Variants in NGEF observed in about 807,000 individuals in gnomAD.
The protein encoded by NGEF is ephexin-1.
Under a neutral mutation model 80.9 loss-of-function variants are expected in NGEF, and 31 were observed. The observed-to-expected ratio is 0.38, with a 90% CI of 0.29 to 0.52. The LOEUF is 0.52. Ranked by LOEUF, NGEF falls within the 20% of genes least tolerant of loss-of-function variation. NGEF has a pLI of 0.84. For missense variants in NGEF, 709 were observed against 926.2 expected, an observed-to-expected ratio of 0.77 and a Z score of 3.04; for synonymous variants, 371 against 370.2, an observed-to-expected ratio of 1.00 and a Z score of -0.03.
At chr2:232,942,372 CT>C (rs1242261969) in intron 3 of NGEF, among the ~76,000 whole-genome samples, 1 of 152,216 alleles carries the variant, frequency 6.6e-6, no homozygotes, top group Non-Finnish European at 1.5e-5. Context: ...TTGAGGCTTT[CT>C]ACGTACTTGC....
chr2:232,968,828 C>CTTAA (rs1694121232), intron 3 of NGEF, among the ~76,000 whole-genome samples: 1 of 152,194 alleles, frequency 6.6e-6, no homozygotes, highest in African/African-American at 2.4e-5. Flanking sequence ...AGGGAATCTC[C>CTTAA]TTAAGATCAG....
intron 1 of NGEF, among the ~76,000 whole-genome samples, chr2:233,004,441 AGGCTGATCTG>A (rs1268826590): frequency 6.6e-6 from 1 of 152,158 alleles, no homozygotes; most frequent in Non-Finnish European, 1.5e-5. Context: ...CCTTGACTCC[AGGCTGATCTG>A]GGCTAGGAGC....
intron 3 of NGEF, chr2:232,928,251 G>GC: frequency 1.2e-6 from 1 of 800,922 alleles, no homozygotes; most frequent in Non-Finnish European, 1.5e-6. Flanking sequence ...GGCGGCGGCG[G>GC]GGCGGGGGCG....
intron 3 of NGEF, among the ~76,000 whole-genome samples, 189 bp from the exon 4 acceptor site, chr2:232,927,375 C>A (rs1320130217): frequency 6.6e-6 from 1 of 152,156 alleles, no homozygotes; most frequent in East Asian, 1.9e-4. Flanking sequence ...TTTCTGTCAC[C>A]GCACCAGGGC....
chr2:232,943,572 T>A (rs1385587356), intron 3 of NGEF, among the ~76,000 whole-genome samples: 2 of 150,608 alleles, frequency 1.3e-5, no homozygotes, highest in Admixed American at 6.6e-5. Context: ...CTCGGCTCAC[T>A]GCAAGCTCCG....
At chr2:232,914,189 G>A (rs1692745765) in intron 5 of NGEF, among the ~76,000 whole-genome samples, 1 of 152,210 alleles carries the variant, frequency 6.6e-6, no homozygotes, top group Non-Finnish European at 1.5e-5. Context: ...CTGACAGACA[G>A]TATGGTCTAC....
At chr2:232,971,534 A>G (rs913744224) in intron 2 of NGEF, among the ~76,000 whole-genome samples, 5 of 152,032 alleles carry the variant, frequency 3.3e-5, no homozygotes, top group Non-Finnish European at 7.4e-5. Flanking sequence ...AAAATACAAA[A>G]ATTAGCCGGG....
At chr2:232,910,275 T>C (rs1001317325) in intron 5 of NGEF, among the ~76,000 whole-genome samples, 1 of 152,074 alleles carries the variant, frequency 6.6e-6, no homozygotes, top group Non-Finnish European at 1.5e-5. Context: ...CCTCAGATCA[T>C]CAGGTATTAG....
chr2:232,948,031 C>G (rs1160332473), intron 3 of NGEF, among the ~76,000 whole-genome samples: 1 of 152,036 alleles, frequency 6.6e-6, no homozygotes, highest in Non-Finnish European at 1.5e-5. Flanking sequence ...GAGTTTCATT[C>G]AATCTTTTTA....
At chr2:232,900,554 T>G (rs1449005852) in intron 5 of NGEF, among the ~76,000 whole-genome samples, 1 of 108,964 alleles carries the variant, frequency 9.2e-6, no homozygotes, top group Non-Finnish European at 1.8e-5. Context: ...ATATACACGT[T>G]CACTCACATT....
At chr2:232,965,106 C>G (rs1694029910) in intron 3 of NGEF, among the ~76,000 whole-genome samples, 1 of 152,182 alleles carries the variant, frequency 6.6e-6, no homozygotes, top group Non-Finnish European at 1.5e-5. Flanking sequence ...CAAAAACAAA[C>G]CAGGGAGATG....
At chr2:232,982,711 A>G (rs1189660724) in intron 1 of NGEF, among the ~76,000 whole-genome samples, 1 of 152,160 alleles carries the variant, frequency 6.6e-6, no homozygotes, top group Non-Finnish European at 1.5e-5. Flanking sequence ...ACAGTGTTTC[A>G]CCATGTTAGT....
At chr2:232,928,287 C>G (rs1197575183) in intron 3 of NGEF, 1 of 558,552 alleles carries the variant, frequency 1.8e-6, no homozygotes, top group Non-Finnish European at 2.3e-6. Context: ...ACCCGGGCCC[C>G]GCGAGCGCCG....
intron 1 of NGEF, among the ~76,000 whole-genome samples, chr2:233,005,546 A>G (rs1254175425): frequency 6.6e-6 from 1 of 151,400 alleles, no homozygotes. Context: ...ACTCAGGTGG[A>G]TGCAGTATAT....
At chr2:232,893,507 C>G (rs1213802298) in intron 6 of NGEF, among the ~76,000 whole-genome samples, 3 of 152,224 alleles carry the variant, frequency 2.0e-5, no homozygotes, top group African/African-American at 7.2e-5. Context: ...GGCGCAGTGG[C>G]TCACGCCTGT....
rs542924703 is a variant in NGEF at position 232,915,546 on chromosome 2, T to C, written c.828+4738A>G. Among the ~76,000 whole-genome samples the C allele has an allele frequency of 1.3e-5, 2 of 152,204 alleles. 1 individual carries two copies. The highest frequency in any genetic ancestry group is 4.1e-4 in the South Asian group (2 of 4,826). On this transcript the variant is annotated intron_variant, in intron 5 of 14. Coordinates refer to ENST00000264051, the MANE Select transcript of NGEF (RefSeq NM_019850.3). ...GCTGTCAGAGCGGGCAGGGCAGCTCTAGAGAGTATAAAGTTCAGTACAAAT... is the reference window on the plus strand; with the variant it reads ...GCTGTCAGAGCGGGCAGGGCAGCTCCAGAGAGTATAAAGTTCAGTACAAAT...
At chr2:232,979,009 C>G in intron 1 of NGEF, among the ~76,000 whole-genome samples, 1 of 152,234 alleles carries the variant, frequency 6.6e-6, no homozygotes, top group Non-Finnish European at 1.5e-5. Context: ...TGATCACCAG[C>G]ATTTACTGTG....
intron 5 of NGEF, among the ~76,000 whole-genome samples, chr2:232,911,568 G>T (rs541531204): frequency 6.6e-6 from 1 of 152,086 alleles, no homozygotes. Context: ...GACTGGAGTC[G>T]CATGGAATGT....
intron 5 of NGEF, among the ~76,000 whole-genome samples, chr2:232,907,159 T>TA (rs1181408500): frequency 3.1e-3 from 79 of 25,744 alleles, no homozygotes; most frequent in East Asian, 6.7e-3. Flanking sequence ...AATGATCAAT[T>TA]AAAAAAAAAA....
Sources: allele counts gnomAD v4.1 joint callset (sites outside exome capture counted in the v4.1 genomes callset), GRCh38; gene constraint gnomAD v4.1.1; transcripts MANE v1.5; gene names NCBI Gene and HGNC (gene_info 2026-07-23, HGNC 2026-07-21).